ATP11A: variants seen among roughly 807,000 people sequenced by gnomAD.
ATP11A encodes the protein phospholipid-transporting ATPase IH.
A neutral mutation model predicts 154.4 loss-of-function variants in ATP11A; 81 were observed. The ratio of observed to expected loss-of-function variants is 0.52; its 90% CI spans 0.44 to 0.63. ATP11A has a LOEUF of 0.63. Among genes scored for constraint, ATP11A ranks in the 30% least tolerant of loss-of-function variants. The probability of loss-of-function intolerance (pLI) is 0.00; values close to 1 mark genes in which losing one functional copy is unlikely to be tolerated. For synonymous variants in ATP11A, 623 were observed against 585.9 expected (o/e 1.06, Z -0.91); for missense variants, 1,316 against 1,474.3 (o/e 0.89, Z 1.76).
rs145898309 is a variant in ATP11A, at chr13:112,719,102, C to T, written c.39+28647C>T. ...ACTGTGTGTGTGTGACTTTGAATTGCGTCAAATGCCATCTTGGTGAACAGT... is the reference window on the plus strand; with the variant it reads ...ACTGTGTGTGTGTGACTTTGAATTGTGTCAAATGCCATCTTGGTGAACAGT... On this transcript the variant is annotated intron_variant, in intron 1 of 29. Transcript: ENST00000375645. Among the ~76,000 whole-genome samples the T allele has an allele frequency of 7.3e-3, 1,105 of 152,182 alleles. 13 individuals carry two copies. Among genetic ancestry groups the T allele is most frequent in the African/African-American group, 0.023 (940 of 41,528 alleles).
In ATP11A at chr13:112,696,642, C is replaced by T. The variant is rs1407334244; in HGVS notation, c.39+6187C>T. Among the ~76,000 whole-genome samples the T allele has an allele frequency of 6.6e-6, 1 of 152,158 alleles. No individual in the cohort carries two copies. The highest frequency in any genetic ancestry group is 2.4e-5 in the African/African-American group (1 of 41,440). Reference sequence around the variant, plus strand: ...TTCTTAGGTTACCCCGCGTAGCTGGCCCGTCCTTCCTTCTCCTGTCTCTTC... The same window carrying T: ...TTCTTAGGTTACCCCGCGTAGCTGGTCCGTCCTTCCTTCTCCTGTCTCTTC... On this transcript the variant is annotated intron_variant, in intron 1 of 29. Transcript: ENST00000375645. This position sits in a 1 kb window ranked among gnomAD's most constrained non-coding sequence, Gnocchi z 6.2.
At chr13:112,802,853 A>G (rs73567192) in intron 2 of ATP11A, among the ~76,000 whole-genome samples, 2,358 of 152,326 alleles carry the variant, frequency 0.015, 59 homozygotes, top group African/African-American at 0.054. Context: ...GGGAGAATAG[A>G]TTTGCAAAAC....
chr13:112,833,740 G>A (rs1257758226), intron 14 of ATP11A, among the ~76,000 whole-genome samples: 1 of 152,164 alleles, frequency 6.6e-6, no homozygotes, highest in Non-Finnish European at 1.5e-5. Context: ...GGGGCCCTTC[G>A]TTCCATGCGT....
At chr13:112,766,869 G>A (rs11618538) in intron 1 of ATP11A, among the ~76,000 whole-genome samples, 72 of 4,164 alleles carry the variant, frequency 0.017, 14 homozygotes, top group East Asian at 0.17. Flanking sequence ...GGTGGGGAGG[G>A]TGTGGGAGTG....
At chr13:112,839,286 C>A (rs1172918312) in intron 16 of ATP11A, among the ~76,000 whole-genome samples, 1 of 152,044 alleles carries the variant, frequency 6.6e-6, no homozygotes, top group African/African-American at 2.4e-5. Context: ...AGTACATAAG[C>A]ATATTCATCT....
chr13:112,826,230 G>A (rs1182172084), intron 11 of ATP11A, among the ~76,000 whole-genome samples: 1 of 152,194 alleles, frequency 6.6e-6, no homozygotes, highest in East Asian at 1.9e-4. Flanking sequence ...TGCATCATCT[G>A]TCCTTCCCAC....
chr13:112,862,514 T>C lies in ATP11A; in HGVS notation c.2930T>C (p.Leu977Pro). The stretch of plus-strand genomic sequence containing the variant: ...ACGCTCCTGGGACTGTTTGACGCAC[T>C]GGTGTTCTTCTTTGGTGCTTATTTC... Reference protein sequence around the residue: ...YWTLLGLFDALVFFFGAYFVF... With the variant: ...YWTLLGLFDAPVFFFGAYFVF... Residue 977 changes from leucine to proline, a missense_variant, in exon 25 of 30, where the codon CTG becomes CCG. Physicochemically the swap from Leu to Pro is moderately conservative, Grantham distance 98. Around this residue, in one of 5 missense-constraint regions of ATP11A, gnomAD observed 294 missense variants for 290.2 expected, o/e 1.01. Coordinates refer to ENST00000375645, the MANE Select transcript of ATP11A (RefSeq NM_015205.3). The C allele has an allele frequency of 6.2e-7, 1 of 1,614,222 alleles. No homozygotes were observed. Among genetic ancestry groups the C allele is most frequent in the East Asian group, 2.2e-5 (1 of 44,892 alleles).
chr13:112,882,429 A>T lies in ATP11A; in HGVS notation c.*563A>T. On this transcript the variant is annotated 3_prime_UTR_variant, in exon 30 of 30. Transcript: ENST00000375645. The surrounding 1 kb of genome is among the most constrained non-coding windows in gnomAD (Gnocchi z 5.1). ...TGCCCGGCCACCACCCATGCCCTCC[A>T]TAGGGTGAGGTGGAGCCATGGTGGT... The T allele has an allele frequency of 2.3e-6, 1 of 431,418 alleles. No individual in the cohort carries two copies. Among genetic ancestry groups the T allele is most frequent in the South Asian group, 3.0e-5 (1 of 33,306 alleles). 26.7% of individuals were successfully genotyped at this position (431,418 alleles called of 1,614,324 possible).
chr13:112,706,863 AT>A (rs1887191051), intron 1 of ATP11A, among the ~76,000 whole-genome samples: 3 of 152,244 alleles, frequency 2.0e-5, no homozygotes, highest in African/African-American at 7.2e-5. Context: ...ACACTCTTAA[AT>A]CAATGTGGTT....
At chr13:112,793,167 G>C (rs1163898655) in intron 2 of ATP11A, among the ~76,000 whole-genome samples, 2 of 152,126 alleles carry the variant, frequency 1.3e-5, no homozygotes, top group Non-Finnish European at 2.9e-5. Flanking sequence ...CTGTAGTCTG[G>C]CACTGGGCTT....
chr13:112,709,586 T>G (rs1362237890), intron 1 of ATP11A, among the ~76,000 whole-genome samples: 1 of 152,132 alleles, frequency 6.6e-6, no homozygotes, highest in Non-Finnish European at 1.5e-5. Flanking sequence ...CCTGAACATT[T>G]CCTTTCTGTC....
chr13:112,809,730 C>T (rs184125690), intron 4 of ATP11A, among the ~76,000 whole-genome samples: 2,423 of 152,304 alleles, frequency 0.016, 30 homozygotes, highest in Non-Finnish European at 0.027. Flanking sequence ...CTGAGAACGG[C>T]ATTCCCCATC....
At chr13:112,866,336 G>A (rs868681672) in intron 25 of ATP11A, among the ~76,000 whole-genome samples, 24 of 152,278 alleles carry the variant, frequency 1.6e-4, no homozygotes, top group Middle Eastern at 3.4e-3. Flanking sequence ...GTGTTAGAAG[G>A]GTGTGTGCGC....
Position 112,690,345 on chromosome 13 carries a change from C to A in ATP11A, c.-72C>A. ...GCGGGGGGCGCGGCCGCACTAGTAC[C>A]CCGGAGCCCATGGGCGCGCCGAGCC... On this transcript the variant is annotated 5_prime_UTR_variant, in exon 1 of 30. Transcript: ENST00000375645. The surrounding 1 kb of genome is among the most constrained non-coding windows in gnomAD (Gnocchi z 5.6). 8.5e-7 allele frequency: 1 copy of A among 1,177,674 alleles called. No homozygotes were observed. The highest frequency in any genetic ancestry group is 1.1e-6 in the Non-Finnish European group (1 of 942,648). The allele number at this position is 1,177,674 out of a possible 1,614,324, so 73.0% of individuals were successfully genotyped here.
intron 1 of ATP11A, among the ~76,000 whole-genome samples, chr13:112,761,845 T>G (rs138048276): frequency 4.3e-4 from 66 of 152,322 alleles, no homozygotes; most frequent in African/African-American, 1.5e-3. Flanking sequence ...GCTGTGCTTT[T>G]AGAAAATTCT....
At chr13:112,779,617 A>G (rs1297075154) in intron 1 of ATP11A, among the ~76,000 whole-genome samples, 1 of 152,238 alleles carries the variant, frequency 6.6e-6, no homozygotes, top group Non-Finnish European at 1.5e-5. Context: ...TCTGACATCT[A>G]GGAATGACTT....
chr13:112,780,833 G>A (rs1184770159), intron 1 of ATP11A, among the ~76,000 whole-genome samples: 8 of 152,136 alleles, frequency 5.3e-5, no homozygotes, highest in Non-Finnish European at 1.2e-4. Flanking sequence ...GCTTTGCTTT[G>A]CTGATGGAAG....
rs1594517811 is a variant in ATP11A, at chr13:112,746,030, T to G, written c.40-39105T>G. On this transcript the variant is annotated intron_variant, in intron 1 of 29. Coordinates refer to ENST00000375645, the MANE Select transcript of ATP11A (RefSeq NM_015205.3). The surrounding 1 kb of genome is among the most constrained non-coding windows in gnomAD (Gnocchi z 4.1). ...AGTGGACTCATCCTGTGTCGTTTTG[T>G]GGCGGAATCACGTTCTGTTGTGTGT... 2 of 152,344 alleles carry G rather than the reference T, an allele frequency of 1.3e-5. No homozygotes were observed. Among genetic ancestry groups the G allele is most frequent in the Middle Eastern group, 6.8e-3 (2 of 296 alleles). 9.4% of individuals were successfully genotyped at this position (152,344 alleles called of 1,614,324 possible).
intron 1 of ATP11A, among the ~76,000 whole-genome samples, chr13:112,702,855 G>C (rs770430785): frequency 1.3e-5 from 2 of 152,212 alleles, no homozygotes; most frequent in Non-Finnish European, 2.9e-5. Context: ...TTTTCCCAGC[G>C]TCTCACCAGC....
Sources: allele counts gnomAD v4.1 joint callset (sites outside exome capture counted in the v4.1 genomes callset), GRCh38; gene constraint gnomAD v4.1.1; regional missense constraint gnomAD v4.1.1; non-coding constraint Gnocchi (gnomAD v3.1); transcripts MANE v1.5; gene names NCBI Gene and HGNC (gene_info 2026-07-23, HGNC 2026-07-21).